LCORL: variants seen among roughly 807,000 people sequenced by gnomAD.
LCORL encodes the protein ligand-dependent nuclear receptor corepressor-like protein.
LCORL carries 41 observed loss-of-function variants against 141.8 expected under a neutral mutation model. That is an observed-to-expected ratio of 0.29 (90% CI 0.23 to 0.38). The LOEUF is 0.38. Among genes scored for constraint, LCORL ranks in the 10% least tolerant of loss-of-function variants. The probability of loss-of-function intolerance (pLI) is 1.00; values close to 1 mark genes in which losing one functional copy is unlikely to be tolerated. For synonymous variants in LCORL, 618 were observed against 694.1 expected, an observed-to-expected ratio of 0.89 and a Z score of 1.72; for missense variants, 1,759 against 2,035.0, an observed-to-expected ratio of 0.86 and a Z score of 2.61.
chr4:18,004,412 G>C (rs922623982), intron 1 of LCORL, among the ~76,000 whole-genome samples: 2 of 152,110 alleles, frequency 1.3e-5, no homozygotes, highest in African/African-American at 4.8e-5. Flanking sequence ...CATCTCAGAA[G>C]GTGGCAGACA....
Position 17,897,213 on chromosome 4 carries a change from CTTTTTTTTTT to C in LCORL, c.683-11062_683-11053del, listed in dbSNP as rs761784734. Reference sequence around the variant, plus strand: ...AGACTTCTCTTTGATATACTGATTTCTTTTTTTTTTTTTTTTTTTTTTTTTTTTTTTTTTT... The same window carrying C: ...AGACTTCTCTTTGATATACTGATTTCTTTTTTTTTTTTTTTTTTTTTTTTT... On this transcript the variant is annotated intron_variant, in intron 5 of 7. Coordinates refer to ENST00000635767, the Ensembl canonical transcript of LCORL. 2.4e-3 allele frequency among the ~76,000 whole-genome samples: 155 copies of C among 63,982 alleles called. 10 individuals carry two copies. Among genetic ancestry groups the C allele is most frequent in the African/African-American group, 7.4e-3 (128 of 17,320 alleles). The allele number at this position is 63,982 out of a possible 152,430, so 42.0% of individuals were successfully genotyped here.
exon 7 of LCORL, chr4:17,876,817 A>T: frequency 8.1e-7 from 1 of 1,230,564 alleles, no homozygotes; most frequent in Non-Finnish European, 1.0e-6. Flanking sequence ...TTCTCAGGGG[A>T]AGTTGTTTTA....
exon 7 of LCORL, chr4:17,877,847 A>T: frequency 8.1e-7 from 1 of 1,230,714 alleles, no homozygotes; most frequent in African/African-American, 1.6e-5. Context: ...CTACTGGCTT[A>T]ACGTGTTCAA....
intron 1 of LCORL, among the ~76,000 whole-genome samples, chr4:18,000,881 C>A (rs1381466688): frequency 1.3e-5 from 2 of 152,128 alleles, no homozygotes; most frequent in African/African-American, 4.8e-5. Flanking sequence ...AGATCATGAT[C>A]TGATACATTT....
chr4:17,845,507 A>G (rs922470284), exon 8 of LCORL: 8 of 404,724 alleles, frequency 2.0e-5, no homozygotes, highest in African/African-American at 1.0e-4. Flanking sequence ...ACTAAAAGAG[A>G]AACATCAAAA....
intron 1 of LCORL, among the ~76,000 whole-genome samples, chr4:18,007,441 T>C (rs868667191): frequency 6.6e-6 from 1 of 152,208 alleles, no homozygotes; most frequent in Non-Finnish European, 1.5e-5. Flanking sequence ...TGGACTCATA[T>C]AAGGAAACCT....
intron 7 of LCORL, among the ~76,000 whole-genome samples, chr4:17,863,287 G>A (rs1343036098): frequency 6.6e-6 from 1 of 152,094 alleles, no homozygotes; most frequent in Non-Finnish European, 1.5e-5. Flanking sequence ...CTGCACTCCG[G>A]CCTGGGCAAC....
intron 1 of LCORL, among the ~76,000 whole-genome samples, chr4:17,993,821 A>G (rs906226234): frequency 6.6e-6 from 1 of 152,204 alleles, no homozygotes; most frequent in Admixed American, 6.5e-5. Flanking sequence ...CATGAGAGGA[A>G]AGACAAGAAT....
At chr4:18,016,425 T>C (rs1291319625) in intron 1 of LCORL, among the ~76,000 whole-genome samples, 2 of 152,144 alleles carry the variant, frequency 1.3e-5, no homozygotes, top group Non-Finnish European at 2.9e-5. Context: ...TGAGGAAAAA[T>C]AAATTAAGCT....
exon 8 of LCORL, chr4:17,845,760 A>G: frequency 6.2e-7 from 1 of 1,613,496 alleles, no homozygotes; most frequent in South Asian, 1.1e-5. Context: ...TATGAACTGT[A>G]CAGCTCGTTA....
At chr4:17,901,015 C>T (rs953055352) in intron 5 of LCORL, among the ~76,000 whole-genome samples, 8 of 151,990 alleles carry the variant, frequency 5.3e-5, no homozygotes, top group African/African-American at 1.5e-4. Flanking sequence ...GGATTGTGAC[C>T]CGTGCTGCCT....
intron 1 of LCORL, among the ~76,000 whole-genome samples, chr4:17,981,082 T>C (rs1246758592): frequency 6.6e-6 from 1 of 152,192 alleles, no homozygotes; most frequent in Non-Finnish European, 1.5e-5. Flanking sequence ...TTCATTTGTA[T>C]AAGTACATAG....
intron 1 of LCORL, among the ~76,000 whole-genome samples, chr4:18,020,931 G>A (rs541327687): frequency 4.0e-4 from 61 of 152,320 alleles, no homozygotes; most frequent in Admixed American, 9.1e-4. Flanking sequence ...CAGCGCTCAA[G>A]CGGCTCCTTC....
chr4:17,910,388 T>G (rs1732332116), intron 4 of LCORL, among the ~76,000 whole-genome samples: 1 of 152,070 alleles, frequency 6.6e-6, no homozygotes, highest in Non-Finnish European at 1.5e-5. Flanking sequence ...GTTTTTTGAG[T>G]AGGGATATAC....
intron 5 of LCORL, among the ~76,000 whole-genome samples, chr4:17,894,648 T>C (rs1042923120): frequency 6.6e-5 from 10 of 152,230 alleles, no homozygotes; most frequent in South Asian, 2.1e-4. Context: ...TGCTTCTGCA[T>C]TGATTGTGTT....
chr4:17,962,187 G>A (rs968940764), intron 3 of LCORL, among the ~76,000 whole-genome samples, 155 bp from the exon 4 acceptor site: 5 of 150,882 alleles, frequency 3.3e-5, no homozygotes, highest in African/African-American at 9.7e-5. Flanking sequence ...AATTCAGAAT[G>A]AGTCAGGAAA....
intron 2 of LCORL, among the ~76,000 whole-genome samples, chr4:17,963,782 G>C (rs1192950648): frequency 6.6e-6 from 1 of 151,880 alleles, no homozygotes; most frequent in Non-Finnish European, 1.5e-5. Context: ...GCATAGACAT[G>C]ATTTTAAAAC....
intron 4 of LCORL, among the ~76,000 whole-genome samples, chr4:17,933,407 C>T (rs1444086036): frequency 6.6e-6 from 1 of 152,018 alleles, no homozygotes; most frequent in Non-Finnish European, 1.5e-5. Flanking sequence ...TTCTCTTAGC[C>T]ATTTTCATAG....
intron 5 of LCORL, among the ~76,000 whole-genome samples, chr4:17,902,218 T>C (rs2109302143): frequency 6.6e-6 from 1 of 152,206 alleles, no homozygotes; most frequent in East Asian, 1.9e-4. Context: ...TTAGACGTTA[T>C]CTAAAGGGCA....
Sources: allele counts gnomAD v4.1 joint callset (sites outside exome capture counted in the v4.1 genomes callset), GRCh38; gene constraint gnomAD v4.1.1; transcripts MANE v1.5; gene names NCBI Gene and HGNC (gene_info 2026-07-23, HGNC 2026-07-21).